The following NOS1AP variants were observed in gnomAD, a reference collection of about 807,000 sequenced individuals.
NOS1AP encodes the protein nitric oxide synthase 1 adaptor protein.
Under a neutral mutation model 56.2 loss-of-function variants are expected in NOS1AP, and 21 were observed. The ratio of observed to expected loss-of-function variants is 0.37; its 90% CI spans 0.26 to 0.54. The LOEUF (loss-of-function observed/expected upper bound fraction) is 0.54, where lower values mean the gene tolerates loss of function less well. Ranked by LOEUF, NOS1AP falls within the 20% of genes least tolerant of loss-of-function variation. The pLI, the probability that NOS1AP is intolerant of heterozygous loss-of-function variation, is 0.84. For synonymous variants in NOS1AP, 270 were observed against 274.6 expected (o/e 0.98, Z 0.17); for missense variants, 522 against 657.8 (o/e 0.79, Z 2.26).
chr1:162,360,214 C>G (rs1164668748), intron 8 of NOS1AP, among the ~76,000 whole-genome samples: 1 of 152,148 alleles, frequency 6.6e-6, no homozygotes, highest in Non-Finnish European at 1.5e-5. Context: ...GGTATTCAAC[C>G]AACTCTTAAG....
rs181098263 is a variant in NOS1AP at position 162,362,994 on chromosome 1, T to C, written c.940-2410T>C. On this transcript the variant is annotated intron_variant, in intron 8 of 9. Transcript: ENST00000361897. ...GTCACAACATACTTCTATGACCAAATGTATGGGGCTTTTTCCCACACACCA... is the reference window on the plus strand; with the variant it reads ...GTCACAACATACTTCTATGACCAAACGTATGGGGCTTTTTCCCACACACCA... 8.8e-6 allele frequency: 7 copies of C among 795,168 alleles called. No individual in the cohort carries two copies. In the East Asian group the frequency reaches 5.0e-4, roughly 57 times the overall value. 49.3% of individuals were successfully genotyped at this position (795,168 alleles called of 1,614,324 possible). A position where few individuals can be genotyped will look rare whatever the true frequency, so the allele number is the denominator to read the frequency against.
Position 162,301,336 on chromosome 1 carries a change from C to T in NOS1AP, c.344+630C>T, listed in dbSNP as rs115437253. Among the ~76,000 whole-genome samples the T allele has an allele frequency of 3.0e-3, 458 of 152,254 alleles. 3 individuals are homozygous for T. Among genetic ancestry groups the T allele is most frequent in the African/African-American group, 0.01 (434 of 41,560 alleles). Reference sequence around the variant, plus strand: ...AAAGAGGCCCCAGAAAACCAGCTAGCCCCATGGTGATGTCCTTCCCCTATG... The same window carrying T: ...AAAGAGGCCCCAGAAAACCAGCTAGTCCCATGGTGATGTCCTTCCCCTATG... On this transcript the variant is annotated intron_variant, in intron 4 of 9. Coordinates refer to ENST00000361897, the MANE Select transcript of NOS1AP (RefSeq NM_014697.3).
At chr1:162,222,585 A>G (rs953304504) in intron 2 of NOS1AP, among the ~76,000 whole-genome samples, 16 of 152,306 alleles carry the variant, frequency 1.1e-4, no homozygotes, top group African/African-American at 3.8e-4. Flanking sequence ...AATGCAAATT[A>G]TTTGATGCTA....
chr1:162,105,539 G>T (rs1377923845), intron 1 of NOS1AP, among the ~76,000 whole-genome samples: 1 of 152,324 alleles, frequency 6.6e-6, no homozygotes, highest in South Asian at 2.1e-4. Flanking sequence ...GATGGTGGCC[G>T]CCTCTCCCCC....
At chr1:162,109,370 G>C (rs1405403565) in intron 1 of NOS1AP, among the ~76,000 whole-genome samples, 1 of 152,218 alleles carries the variant, frequency 6.6e-6, no homozygotes, top group African/African-American at 2.4e-5. Flanking sequence ...TTTCAGATGA[G>C]ATAGCGTTGT....
At chr1:162,316,212 G>A (rs894586963) in intron 4 of NOS1AP, among the ~76,000 whole-genome samples, 4 of 152,174 alleles carry the variant, frequency 2.6e-5, no homozygotes, top group African/African-American at 9.7e-5. Flanking sequence ...GGCAAAAAAT[G>A]TTAACATTAG....
At chr1:162,141,303 G>C (rs74125928) in intron 1 of NOS1AP, among the ~76,000 whole-genome samples, 5 of 152,192 alleles carry the variant, frequency 3.3e-5, no homozygotes, top group Non-Finnish European at 7.3e-5. Flanking sequence ...GGTGCAGCTG[G>C]AATTGGAACC....
intron 2 of NOS1AP, among the ~76,000 whole-genome samples, chr1:162,165,534 G>T (rs960643202): frequency 3.3e-5 from 5 of 152,126 alleles, no homozygotes. Context: ...GTACCAAGAG[G>T]TTAAATAACT....
intron 2 of NOS1AP, among the ~76,000 whole-genome samples, chr1:162,156,526 A>G (rs1649981810): frequency 1.3e-5 from 2 of 152,112 alleles, no homozygotes; most frequent in South Asian, 4.1e-4. Context: ...TGCTACTTTC[A>G]CCACAGTTGT....
In NOS1AP at chr1:162,188,367, C is replaced by T. The variant is rs571841537; in HGVS notation, c.177+33891C>T. Reference sequence around the variant, plus strand: ...CTATATTTCTGTTGCTGGAATTGGGCTCACACACTGTCTCTTTATAGGCCA... The same window carrying T: ...CTATATTTCTGTTGCTGGAATTGGGTTCACACACTGTCTCTTTATAGGCCA... On this transcript the variant is annotated intron_variant, in intron 2 of 9. Coordinates refer to ENST00000361897, the MANE Select transcript of NOS1AP (RefSeq NM_014697.3). The surrounding 1 kb of genome is among the most constrained non-coding windows in gnomAD (Gnocchi z 4.0). 6.6e-6 allele frequency among the ~76,000 whole-genome samples: 1 copy of T among 152,300 alleles called. No homozygotes were observed. Among genetic ancestry groups the T allele is most frequent in the East Asian group, 1.9e-4 (1 of 5,178 alleles).
At chr1:162,133,011 C>G (rs1466027272) in intron 1 of NOS1AP, among the ~76,000 whole-genome samples, 1 of 152,172 alleles carries the variant, frequency 6.6e-6, no homozygotes, top group Non-Finnish European at 1.5e-5. Context: ...ACTTCTGCAT[C>G]AGTGAGGTCC....
At chr1:162,085,537 A>T (rs1570997404) in intron 1 of NOS1AP, among the ~76,000 whole-genome samples, 1 of 152,284 alleles carries the variant, frequency 6.6e-6, no homozygotes, top group South Asian at 2.1e-4. Context: ...TTCTTATTTC[A>T]CTAATATCCA....
At chr1:162,350,908 G>T (rs1373537110) in intron 6 of NOS1AP, among the ~76,000 whole-genome samples, 1 of 152,102 alleles carries the variant, frequency 6.6e-6, no homozygotes, top group African/African-American at 2.4e-5. Context: ...AATCTGAAAT[G>T]CTCCAAGATC....
In NOS1AP at chr1:162,326,861, G is replaced by A. The variant is rs1258991243; in HGVS notation, c.345-6156G>A. On this transcript the variant is annotated intron_variant, in intron 4 of 9. Coordinates refer to ENST00000361897, the MANE Select transcript of NOS1AP (RefSeq NM_014697.3). ...ATGACAGAGTAAGATGAGGTCTCATGGCCAGAGACTGAAAGAGGGAATAAA... is the reference window on the plus strand; with the variant it reads ...ATGACAGAGTAAGATGAGGTCTCATAGCCAGAGACTGAAAGAGGGAATAAA... Among the ~76,000 whole-genome samples the A allele has an allele frequency of 3.3e-5, 5 of 152,180 alleles. 1 individual carries two copies. The highest frequency in any genetic ancestry group is 4.2e-4 in the South Asian group (2 of 4,818).
intron 2 of NOS1AP, among the ~76,000 whole-genome samples, chr1:162,194,820 T>G (rs1651755145): frequency 6.6e-6 from 1 of 152,172 alleles, no homozygotes; most frequent in African/African-American, 2.4e-5. Flanking sequence ...AACTTCATTT[T>G]TATTCTAGGA....
At chr1:162,265,892 A>G (rs1654407267) in intron 2 of NOS1AP, among the ~76,000 whole-genome samples, 1 of 152,170 alleles carries the variant, frequency 6.6e-6, no homozygotes, top group Non-Finnish European at 1.5e-5. Context: ...GTAGTAGCCC[A>G]TGGTATCGGA....
At chr1:162,156,636 G>T (rs1649988615) in intron 2 of NOS1AP, among the ~76,000 whole-genome samples, 1 of 152,076 alleles carries the variant, frequency 6.6e-6, no homozygotes, top group East Asian at 1.9e-4. Flanking sequence ...AAGAGATAGG[G>T]AATATGTTGT....
rs534707389 is a variant in NOS1AP, at chr1:162,207,261, G to A, written c.177+52785G>A. On this transcript the variant is annotated intron_variant, in intron 2 of 9. Transcript: ENST00000361897. ...GCAGAAATTCTGGGAAGTTCTAGAC[G>A]TAGTGCCAGAGGCACAGTGGCCTTA... is the stretch of plus-strand genomic sequence containing the variant. Among the ~76,000 whole-genome samples the A allele has an allele frequency of 4.8e-4, 73 of 152,334 alleles. No homozygotes were observed. In the Middle Eastern group the frequency reaches 0.017, roughly 35 times the overall value.
At chr1:162,120,728 A>G (rs968812700) in intron 1 of NOS1AP, among the ~76,000 whole-genome samples, 32 of 152,334 alleles carry the variant, frequency 2.1e-4, no homozygotes, top group African/African-American at 7.5e-4. Flanking sequence ...GGTCCCTCTC[A>G]CAACACTTGG....
Sources: allele counts gnomAD v4.1 joint callset (sites outside exome capture counted in the v4.1 genomes callset), GRCh38; gene constraint gnomAD v4.1.1; non-coding constraint Gnocchi (gnomAD v3.1); transcripts MANE v1.5; gene names NCBI Gene and HGNC (gene_info 2026-07-23, HGNC 2026-07-21).